Variants in ZMYND11 observed in about 807,000 individuals in gnomAD.
The protein encoded by ZMYND11 is zinc finger MYND domain-containing protein 11.
ZMYND11 carries 9 observed loss-of-function variants against 84.9 expected under a neutral mutation model. The observed-to-expected ratio is 0.11, with a 90% CI of 0.06 to 0.18. The LOEUF (loss-of-function observed/expected upper bound fraction) is 0.18, where lower values mean the gene tolerates loss of function less well. Among genes scored for constraint, ZMYND11 ranks in the 10% least tolerant of loss-of-function variants. The probability of loss-of-function intolerance (pLI) is 1.00; values close to 1 mark genes in which losing one functional copy is unlikely to be tolerated. For missense variants in ZMYND11, 409 were observed against 761.0 expected, an observed-to-expected ratio of 0.54 and a Z score of 5.44; for synonymous variants, 250 against 244.1, an observed-to-expected ratio of 1.02 and a Z score of -0.23.
chr10:161,896 G>A (rs555813050), intron 1 of ZMYND11, among the ~76,000 whole-genome samples: 1 of 152,218 alleles, frequency 6.6e-6, no homozygotes, highest in African/African-American at 2.4e-5. Flanking sequence ...TCTTATTCAT[G>A]TGTTCACTGA....
At chr10:167,284 T>A (rs538498072) in intron 1 of ZMYND11, among the ~76,000 whole-genome samples, 113 of 152,166 alleles carry the variant, frequency 7.4e-4, no homozygotes, top group Middle Eastern at 3.4e-3. Context: ...ATAAATAATA[T>A]TATGTTCCAA....
chr10:159,082 A>AT (rs1331459196), intron 1 of ZMYND11, among the ~76,000 whole-genome samples: 1 of 54,602 alleles, frequency 1.8e-5, no homozygotes, highest in African/African-American at 6.8e-5. Flanking sequence ...AGTCCACTTT[A>AT]TTTTTTCTTT....
intron 2 of ZMYND11, among the ~76,000 whole-genome samples, chr10:187,672 T>C (rs905805523): frequency 2.6e-5 from 4 of 151,714 alleles, no homozygotes; most frequent in Non-Finnish European, 5.9e-5. Context: ...TAAACTTCTT[T>C]AACAAGCTCC....
chr10:252,266 C>T lies in ZMYND11; in HGVS notation c.1687-82C>T. ...AGCCAGAAAGATCTTTTAAAAGCAC[C>T]ACCTCAAGAGTTTGCCATTTTAACC... On this transcript the variant is annotated intron_variant, in intron 14 of 14. Transcript: ENST00000381604. This position sits in a 1 kb window ranked among gnomAD's most constrained non-coding sequence, Gnocchi z 4.6. The T allele has an allele frequency of 6.7e-7, 1 of 1,492,430 alleles. No individual in the cohort carries two copies. Among genetic ancestry groups the T allele is most frequent in the Non-Finnish European group, 9.1e-7 (1 of 1,096,162 alleles). 92.4% of individuals were successfully genotyped at this position (1,492,430 alleles called of 1,614,324 possible).
At chr10:206,313 T>C (rs1428044047) in intron 2 of ZMYND11, among the ~76,000 whole-genome samples, 2 of 152,176 alleles carry the variant, frequency 1.3e-5, no homozygotes, top group East Asian at 3.9e-4. Flanking sequence ...TGAGCCGAGA[T>C]CATGCCACTG....
chr10:241,986 A>C, intron 9 of ZMYND11, 35 bp from the exon 10 acceptor site: 1 of 1,607,258 alleles, frequency 6.2e-7, no homozygotes, highest in Admixed American at 1.7e-5. Flanking sequence ...AATACTTTAA[A>C]AGTAATATAA....
intron 10 of ZMYND11, among the ~76,000 whole-genome samples, chr10:243,291 A>G (rs1951420813): frequency 6.6e-6 from 1 of 152,224 alleles, no homozygotes; most frequent in Non-Finnish European, 1.5e-5. Flanking sequence ...GTCAGCTTTT[A>G]TAATACAACA....
intron 1 of ZMYND11, among the ~76,000 whole-genome samples, chr10:141,073 C>T (rs1436471815): frequency 2.0e-5 from 3 of 152,080 alleles, no homozygotes; most frequent in African/African-American, 4.8e-5. Flanking sequence ...AAATGTGTTT[C>T]GCTGAAATAC....
intron 1 of ZMYND11, among the ~76,000 whole-genome samples, chr10:144,640 CTTTTTTT>C (rs11348115): frequency 1.0e-4 from 11 of 110,036 alleles, no homozygotes; most frequent in Non-Finnish European, 1.8e-4. Flanking sequence ...GTCTGAATTC[CTTTTTTT>C]TTTTTTTTTT....
chr10:219,870 A>C lies in ZMYND11; in HGVS notation c.277-1325A>C, dbSNP rs957758973. Among the ~76,000 whole-genome samples the C allele has an allele frequency of 2.0e-5, 3 of 152,164 alleles. No individual in the cohort carries two copies. In the East Asian group the frequency reaches 5.8e-4, roughly 29 times the overall value. ...TTACTTTGGTCAACACAGACTGCCAATTTCTTAATAAAAAGCAAACCGGAA... is the reference window on the plus strand; with the variant it reads ...TTACTTTGGTCAACACAGACTGCCACTTTCTTAATAAAAAGCAAACCGGAA... On this transcript the variant is annotated intron_variant, in intron 3 of 14. Coordinates refer to ENST00000381604, the MANE Select transcript of ZMYND11 (RefSeq NM_001370100.5).
At chr10:186,528 C>G (rs1938505778) in intron 2 of ZMYND11, among the ~76,000 whole-genome samples, 1 of 151,408 alleles carries the variant, frequency 6.6e-6, no homozygotes, top group Non-Finnish European at 1.5e-5. Context: ...GTAGTCCCAG[C>G]TACTTGGGAG....
chr10:190,293 C>T (rs1940000014), intron 2 of ZMYND11, among the ~76,000 whole-genome samples: 2 of 152,100 alleles, frequency 1.3e-5, no homozygotes. Context: ...ACAACATCAT[C>T]AGATTGGTCC....
intron 1 of ZMYND11, among the ~76,000 whole-genome samples, chr10:147,531 T>C (rs904123441): frequency 1.3e-5 from 2 of 151,794 alleles, no homozygotes; most frequent in Non-Finnish European, 2.9e-5. Flanking sequence ...AAATTTTTTT[T>C]TTTGGAATAG....
intron 1 of ZMYND11, among the ~76,000 whole-genome samples, chr10:165,754 T>C: frequency 6.6e-6 from 1 of 152,160 alleles, no homozygotes; most frequent in East Asian, 1.9e-4. Context: ...AACCCATTAT[T>C]TTCCAAAGCT....
In ZMYND11 at chr10:160,234, A is replaced by T. The variant is rs546776955; in HGVS notation, c.-19-19760A>T. 3.3e-5 allele frequency among the ~76,000 whole-genome samples: 5 copies of T among 152,362 alleles called. No homozygotes were observed. The South Asian group carries it at 1.0e-3, about 32-fold the overall frequency. ...AAATTTTTTTGGCTTCCCAATATGG[A>T]TAAAAGTTATGTTTACACTTTACCA... On this transcript the variant is annotated intron_variant, in intron 1 of 14. Transcript: ENST00000381604.
intron 2 of ZMYND11, among the ~76,000 whole-genome samples, chr10:206,286 G>A (rs983107856): frequency 2.6e-5 from 4 of 151,880 alleles, no homozygotes; most frequent in Non-Finnish European, 5.9e-5. Flanking sequence ...CTTGAACCCA[G>A]GAGGCAGAGG....
In ZMYND11 at chr10:240,076, A is replaced by G. The variant is rs760541168; in HGVS notation, c.718A>G (p.Ile240Val). Residue 240 changes from isoleucine to valine, a missense_variant, in exon 8 of 15, where the codon ATT (isoleucine) becomes GTT (valine). Physicochemically the swap from Ile to Val is conservative, Grantham distance 29. Around this residue, in one of 7 missense-constraint regions of ZMYND11, gnomAD observed 59 missense variants for 151.0 expected, o/e 0.39. Coordinates refer to ENST00000381604, the MANE Select transcript of ZMYND11 (RefSeq NM_001370100.5). ...TACAGCAGACAGTGAGCAAGCTGAC[A>G]TTGCGAGGATGCTATATAAAGACAC... ...FYGADSEQAD[I>V]ARMLYKDTCH... 6.2e-7 allele frequency: 1 copy of G among 1,612,340 alleles called. No homozygotes were observed. The highest frequency in any genetic ancestry group is 8.5e-7 in the Non-Finnish European group (1 of 1,179,090).
chr10:143,546 T>G (rs1837977440), intron 1 of ZMYND11, among the ~76,000 whole-genome samples: 1 of 152,152 alleles, frequency 6.6e-6, no homozygotes, highest in South Asian at 2.1e-4. Context: ...TGAGAAAAAT[T>G]TATTTGGGCT....
At chr10:134,746 C>A (rs1049527442), upstream of ZMYND11, 1 of 152,828 alleles carries the variant, frequency 6.5e-6, no homozygotes, top group Non-Finnish European at 1.5e-5. Flanking sequence ...CCCCTCGCGC[C>A]CCGGCCTCGG....
Sources: gnomAD v4.1 joint callset for allele counts (sites outside exome capture counted in the v4.1 genomes callset) on GRCh38, gnomAD v4.1.1 for gene constraint, gnomAD v4.1.1 regional missense constraint, Gnocchi (gnomAD v3.1) non-coding constraint, MANE v1.5 for transcripts, NCBI Gene and HGNC (gene_info 2026-07-23, HGNC 2026-07-21) for gene names.